The following CADM2 variants were observed in gnomAD, a reference collection of about 807,000 sequenced individuals.
CADM2 encodes the protein immunoglobulin superfamily member 4D.
Under a neutral mutation model 49.8 loss-of-function variants are expected in CADM2, and 12 were observed. The ratio of observed to expected loss-of-function variants is 0.24; its 90% confidence interval spans 0.15 to 0.39. The LOEUF is 0.39. Ranked by LOEUF, CADM2 falls within the 10% of genes least tolerant of loss-of-function variation. The pLI, the probability that CADM2 is intolerant of heterozygous loss-of-function variation, is 1.00. For missense variants in CADM2, 378 were observed against 492.3 expected (o/e 0.77, Z 2.20); for synonymous variants, 214 against 175.4 (o/e 1.22, Z -1.74).
intron 8 of CADM2, among the ~76,000 whole-genome samples, chr3:86,006,190 T>A (rs1730768719): frequency 6.6e-6 from 1 of 152,218 alleles, no homozygotes; most frequent in Non-Finnish European, 1.5e-5. Context: ...GGACCAGGAA[T>A]TATTTTACTA....
At chr3:85,395,034 T>C (rs2034701651) in intron 1 of CADM2, among the ~76,000 whole-genome samples, 1 of 152,096 alleles carries the variant, frequency 6.6e-6, no homozygotes, top group Admixed American at 6.6e-5. Flanking sequence ...TTGTAATATT[T>C]TTTAATAATG....
intron 8 of CADM2, among the ~76,000 whole-genome samples, chr3:85,983,956 G>A (rs1001757548): frequency 1.3e-5 from 2 of 150,566 alleles, no homozygotes; most frequent in African/African-American, 4.9e-5. Flanking sequence ...ATTTTTTACA[G>A]TGGCCTAACC....
At chr3:85,067,802 GT>G (rs1458884896) in intron 1 of CADM2, among the ~76,000 whole-genome samples, 4 of 152,026 alleles carry the variant, frequency 2.6e-5, no homozygotes, top group Non-Finnish European at 5.9e-5. Context: ...TATTTACATT[GT>G]TTCTTTATTA....
chr3:85,500,307 T>C (rs987408637), intron 1 of CADM2, among the ~76,000 whole-genome samples: 3 of 152,138 alleles, frequency 2.0e-5, no homozygotes, highest in Non-Finnish European at 2.9e-5. Flanking sequence ...AAAAAAATGG[T>C]AAAAATGCTC....
intron 3 of CADM2, among the ~76,000 whole-genome samples, chr3:85,824,114 G>A (rs1343521386): frequency 1.3e-5 from 2 of 152,144 alleles, no homozygotes; most frequent in African/African-American, 4.8e-5. Context: ...TGGAGAAATA[G>A]TGGATAGTTT....
chr3:85,592,860 C>G (rs1200399563), intron 1 of CADM2, among the ~76,000 whole-genome samples: 1 of 151,752 alleles, frequency 6.6e-6, no homozygotes, highest in African/African-American at 2.4e-5. Context: ...CTCTAGCCTC[C>G]CAACCTCCGA....
At chr3:85,613,610 A>G (rs951363644) in intron 1 of CADM2, among the ~76,000 whole-genome samples, 6 of 151,670 alleles carry the variant, frequency 4.0e-5, no homozygotes, top group African/African-American at 1.4e-4. Flanking sequence ...TTTTGGTTTG[A>G]GAATGACACT....
At chr3:84,985,746 A>G (rs1176090172) in intron 1 of CADM2, among the ~76,000 whole-genome samples, 1 of 152,204 alleles carries the variant, frequency 6.6e-6, no homozygotes, top group Non-Finnish European at 1.5e-5. Flanking sequence ...AAAAGCAGTT[A>G]TCTTAGTAGA....
intron 1 of CADM2, among the ~76,000 whole-genome samples, chr3:85,413,692 CA>C (rs2035783561): frequency 2.0e-5 from 3 of 152,132 alleles, no homozygotes; most frequent in Admixed American, 2.0e-4. Flanking sequence ...AAGAGCAGCA[CA>C]GGGGGAAATC....
chr3:85,640,878 C>A (rs562739432), intron 1 of CADM2, among the ~76,000 whole-genome samples: 43 of 152,142 alleles, frequency 2.8e-4, no homozygotes, highest in African/African-American at 1.0e-3. Flanking sequence ...GGAATTTAAG[C>A]AAGTCTTTGA....
At chr3:85,257,505 G>A (rs1055657546) in intron 1 of CADM2, among the ~76,000 whole-genome samples, 2 of 152,106 alleles carry the variant, frequency 1.3e-5, no homozygotes, top group African/African-American at 2.4e-5. Flanking sequence ...ATTCCTTCTA[G>A]TAGGGCCTAT....
In CADM2 at chr3:85,565,186, TTATA is replaced by T. The variant is rs1171718296; in HGVS notation, c.62-161335_62-161332del. Among the ~76,000 whole-genome samples, 10 of 152,072 alleles carry T rather than the reference TTATA, an allele frequency of 6.6e-5. No individual in the cohort carries two copies. The East Asian group carries it at 1.8e-3, about 27-fold the overall frequency. On this transcript the variant is annotated intron_variant, in intron 1 of 9. Coordinates refer to ENST00000383699, the MANE Select transcript of CADM2 (RefSeq NM_001167675.2). ...TAACTGCTCATAGACTTGTTTGCCT[TTATA>T]ACTTGTGCATGTATCTGTCAATCTG...
intron 1 of CADM2, among the ~76,000 whole-genome samples, chr3:85,145,664 A>G (rs549435999): frequency 6.6e-6 from 1 of 152,142 alleles, no homozygotes; most frequent in Non-Finnish European, 1.5e-5. Flanking sequence ...CATCCCTGTC[A>G]TGCTCAATAA....
At chr3:85,860,232 T>C (rs562729423) in intron 3 of CADM2, among the ~76,000 whole-genome samples, 1 of 152,236 alleles carries the variant, frequency 6.6e-6, no homozygotes, top group African/African-American at 2.4e-5. Flanking sequence ...TGGTTACTTA[T>C]TTTGTGCCAC....
At chr3:85,448,610 C>CGT (rs1350694061) in intron 1 of CADM2, among the ~76,000 whole-genome samples, 7 of 151,878 alleles carry the variant, frequency 4.6e-5, no homozygotes, top group African/African-American at 1.7e-4. Context: ...TGTGTGCATG[C>CGT]GTGTGTGTGT....
At chr3:85,724,749 A>G (rs1315810013) in intron 1 of CADM2, among the ~76,000 whole-genome samples, 1 of 151,950 alleles carries the variant, frequency 6.6e-6, no homozygotes, top group Non-Finnish European at 1.5e-5. Context: ...GGCATTGATT[A>G]TCTCAGTTGC....
intron 1 of CADM2, among the ~76,000 whole-genome samples, chr3:85,260,009 T>C (rs902476105): frequency 1.3e-5 from 2 of 152,102 alleles, no homozygotes; most frequent in African/African-American, 4.8e-5. Flanking sequence ...AAGAAACTCT[T>C]TCCCTGGTTA....
chr3:85,512,164 C>G (rs1465152835), intron 1 of CADM2, among the ~76,000 whole-genome samples: 1 of 152,034 alleles, frequency 6.6e-6, no homozygotes, highest in Non-Finnish European at 1.5e-5. Flanking sequence ...CTTCCACTCT[C>G]CCTACTCTGG....
At chr3:85,303,132 G>A (rs908371287) in intron 1 of CADM2, among the ~76,000 whole-genome samples, 16 of 151,816 alleles carry the variant, frequency 1.1e-4, no homozygotes, top group African/African-American at 3.1e-4. Context: ...CACTTTTCTC[G>A]TAGTATTAAT....
Sources: gnomAD v4.1 joint callset for allele counts (sites outside exome capture counted in the v4.1 genomes callset) on GRCh38, gnomAD v4.1.1 for gene constraint, MANE v1.5 for transcripts, NCBI Gene and HGNC (gene_info 2026-07-23, HGNC 2026-07-21) for gene names.